The following CREB5 variants were observed in gnomAD, a reference collection of about 807,000 sequenced individuals.
CREB5 encodes the protein cAMP responsive element binding protein 5.
Under a neutral mutation model 57.1 loss-of-function variants are expected in CREB5, and 19 were observed. The ratio of observed to expected loss-of-function variants is 0.33; its 90% CI spans 0.23 to 0.49. The LOEUF (loss-of-function observed/expected upper bound fraction) is 0.49. Among genes scored for constraint, CREB5 ranks in the 20% least tolerant of loss-of-function variants. The pLI is 0.99. For missense variants in CREB5, 579 were observed against 671.6 expected (o/e 0.86, Z 1.52); for synonymous variants, 238 against 238.3 (o/e 1.00, Z 0.01).
chr7:28,675,393 A>T (rs1384820758), intron 5 of CREB5, among the ~76,000 whole-genome samples: 1 of 152,158 alleles, frequency 6.6e-6, no homozygotes, highest in African/African-American at 2.4e-5. Flanking sequence ...CTGGTGTTTC[A>T]GAGCCCACCT....
rs118124863 is a variant in CREB5, at chr7:28,805,858, A to C, written c.1026+1336A>C. On this transcript the variant is annotated intron_variant, in intron 8 of 10. Coordinates refer to ENST00000357727, the MANE Select transcript of CREB5 (RefSeq NM_182898.4). ...TAGGCTCTTATGAGTATTAAATAAG[A>C]GAATCTCTGTAAAGCCCTTGACACA... Among the ~76,000 whole-genome samples, 459 of 152,346 alleles carry C rather than the reference A, an allele frequency of 3.0e-3. 17 individuals are homozygous for C. The East Asian group carries it at 0.081, about 27-fold the overall frequency.
At chr7:28,465,085 T>C (rs142992462) in intron 1 of CREB5, among the ~76,000 whole-genome samples, 76 of 152,324 alleles carry the variant, frequency 5.0e-4, no homozygotes, top group African/African-American at 1.8e-3. Flanking sequence ...CCTCTTTATA[T>C]AGAACATCAG....
intron 1 of CREB5, among the ~76,000 whole-genome samples, chr7:28,421,046 G>T (rs1788226735): frequency 6.6e-6 from 1 of 152,006 alleles, no homozygotes; most frequent in Non-Finnish European, 1.5e-5. Context: ...TTACATAGAT[G>T]AATTATGTAG....
chr7:28,682,682 T>TGGG (rs34179408), intron 5 of CREB5, among the ~76,000 whole-genome samples: 11 of 109,268 alleles, frequency 1.0e-4, no homozygotes, highest in African/African-American at 2.9e-4. Context: ...AACCTAAAAG[T>TGGG]GGGGGGGGGG....
At chr7:28,719,702 C>T (rs1452088414) in intron 6 of CREB5, among the ~76,000 whole-genome samples, 1 of 152,188 alleles carries the variant, frequency 6.6e-6, no homozygotes, top group Non-Finnish European at 1.5e-5. Context: ...GGAGGTAGGA[C>T]TTAGATCCAG....
chr7:28,307,475 G>T (rs1280579262), intron 1 of CREB5, among the ~76,000 whole-genome samples: 2 of 152,178 alleles, frequency 1.3e-5, no homozygotes, highest in African/African-American at 4.8e-5. Flanking sequence ...ACTTGCTAAT[G>T]CCTTGATCTT....
intron 3 of CREB5, among the ~76,000 whole-genome samples, chr7:28,498,656 T>C (rs1792152869): frequency 6.6e-6 from 1 of 152,186 alleles, no homozygotes; most frequent in South Asian, 2.1e-4. Flanking sequence ...CGTGTTTTAT[T>C]AGAATAAGCC....
At chr7:28,405,675 C>G (rs1178612950) in intron 1 of CREB5, among the ~76,000 whole-genome samples, 3 of 152,162 alleles carry the variant, frequency 2.0e-5, no homozygotes, top group Non-Finnish European at 4.4e-5. Context: ...TCTCAGCCTC[C>G]CAAAGAGCTG....
At chr7:28,546,878 T>A (rs1794443664) in intron 4 of CREB5, among the ~76,000 whole-genome samples, 1 of 152,178 alleles carries the variant, frequency 6.6e-6, no homozygotes, top group East Asian at 1.9e-4. Context: ...ATGGGGCCAC[T>A]CTTGGTGTGG....
chr7:28,789,110 G>A (rs1265716053), intron 7 of CREB5, among the ~76,000 whole-genome samples: 1 of 152,156 alleles, frequency 6.6e-6, no homozygotes, highest in African/African-American at 2.4e-5. Flanking sequence ...GTTTCACTCA[G>A]TTGTCCTGAC....
chr7:28,460,343 T>A (rs1326565154), intron 1 of CREB5, among the ~76,000 whole-genome samples: 1 of 152,360 alleles, frequency 6.6e-6, no homozygotes, highest in East Asian at 1.9e-4. Flanking sequence ...CATGTCATTT[T>A]ATTTAAACTT....
chr7:28,516,686 A>G (rs1410391051), intron 4 of CREB5, among the ~76,000 whole-genome samples: 1 of 152,190 alleles, frequency 6.6e-6, no homozygotes, highest in East Asian at 1.9e-4. Flanking sequence ...GGTCTGGGGA[A>G]AAGGTAGCTT....
At chr7:28,676,805 C>T (rs1429014001) in intron 5 of CREB5, among the ~76,000 whole-genome samples, 2 of 152,164 alleles carry the variant, frequency 1.3e-5, no homozygotes, top group Non-Finnish European at 2.9e-5. Flanking sequence ...AGCGTACCCT[C>T]CTCATGATTG....
At chr7:28,428,293 G>C (rs904624215) in intron 1 of CREB5, among the ~76,000 whole-genome samples, 5 of 152,150 alleles carry the variant, frequency 3.3e-5, no homozygotes, top group Non-Finnish European at 5.9e-5. Context: ...ATGATCTCTG[G>C]ATATTAATCT....
intron 5 of CREB5, among the ~76,000 whole-genome samples, chr7:28,590,170 A>G (rs1235254262): frequency 6.6e-6 from 1 of 152,130 alleles, no homozygotes; most frequent in Non-Finnish European, 1.5e-5. Flanking sequence ...CAGCCATCCC[A>G]TTACTGGGTA....
chr7:28,410,598 G>C (rs747576821), upstream of CREB5: 18 of 454,790 alleles, frequency 4.0e-5, no homozygotes, highest in South Asian at 2.6e-4. Context: ...ACTTTCCCTG[G>C]ACCGGTGCCG....
chr7:28,481,847 A>C (rs1382619068), intron 1 of CREB5, among the ~76,000 whole-genome samples: 1 of 152,130 alleles, frequency 6.6e-6, no homozygotes, highest in Non-Finnish European at 1.5e-5. Context: ...ATAGACATGC[A>C]AAGAGACAGA....
intron 7 of CREB5, among the ~76,000 whole-genome samples, chr7:28,743,842 T>C (rs1196393360): frequency 3.5e-5 from 5 of 141,254 alleles, no homozygotes; most frequent in Admixed American, 7.1e-5. Flanking sequence ...CCTTTTCTTT[T>C]TTTTTTTTTT....
chr7:28,808,531 G>A (rs760865831), intron 8 of CREB5, among the ~76,000 whole-genome samples: 4 of 151,924 alleles, frequency 2.6e-5, no homozygotes, highest in Non-Finnish European at 4.4e-5. Flanking sequence ...TTTTAAAGTT[G>A]TTCATTTGTT....
Sources: gnomAD v4.1 joint callset for allele counts (sites outside exome capture counted in the v4.1 genomes callset) on GRCh38, gnomAD v4.1.1 for gene constraint, MANE v1.5 for transcripts, NCBI Gene and HGNC (gene_info 2026-07-23, HGNC 2026-07-21) for gene names.